Variants in CSNK2A1 observed in about 807,000 individuals in gnomAD.
CSNK2A1 encodes casein kinase II subunit alpha.
CSNK2A1 carries 10 observed loss-of-function variants against 62.9 expected under a neutral mutation model. That is an observed-to-expected ratio of 0.16 (90% CI 0.10 to 0.27). The LOEUF is 0.27. CSNK2A1 is among the 10% of genes least tolerant of loss of function. The pLI, the probability that CSNK2A1 is intolerant of heterozygous loss-of-function variation, is 1.00. For synonymous variants in CSNK2A1, 124 were observed against 167.8 expected, an observed-to-expected ratio of 0.74 and a Z score of 2.02; for missense variants, 160 against 492.0, an observed-to-expected ratio of 0.33 and a Z score of 6.38.
chr20:495,743 G>C lies in CSNK2A1; in HGVS notation c.486C>G (p.Val162=). The part of the protein sequence containing the change: ...IMHRDVKPHN[V]MIDHEHRKLR... The stretch of plus-strand genomic sequence containing the variant: ...CCTTTCTGTGCTCATGATCAATCAT[G>C]ACATTATGGGGCTTGACATCTCTGT... The change falls in exon 8 of 14, where the codon GTC becomes GTG. Residue 162 remains valine, a synonymous_variant. Transcript: ENST00000217244. The C allele has an allele frequency of 1.2e-6, 2 of 1,614,068 alleles. No homozygotes were observed. The highest frequency in any genetic ancestry group is 1.7e-6 in the Non-Finnish European group (2 of 1,179,942).
chr20:534,343 A>G (rs1329986873), intron 1 of CSNK2A1, among the ~76,000 whole-genome samples: 1 of 152,220 alleles, frequency 6.6e-6, no homozygotes, highest in Non-Finnish European at 1.5e-5. Flanking sequence ...ATTTGGAGGC[A>G]AGGTAGGGGT....
At position 484,841 on chromosome 20, in the gene CSNK2A1, C is replaced by T. The variant is rs150679386; in HGVS notation, c.1061-765G>A. Among the ~76,000 whole-genome samples, 996 of 151,228 alleles carry T rather than the reference C, an allele frequency of 6.6e-3. 1 individual carries two copies. The highest frequency in any genetic ancestry group is 9.4e-3 in the Non-Finnish European group (640 of 67,794). On this transcript the variant is annotated intron_variant, in intron 13 of 13. Transcript: ENST00000217244. ...CAGCACTTTGGGAGGCCAAGTTGGG[C>T]GGATCACCTGAGGTCAGGAGTTCAA...
At chr20:534,795 G>C (rs998220061) in intron 1 of CSNK2A1, among the ~76,000 whole-genome samples, 1 of 151,494 alleles carries the variant, frequency 6.6e-6, no homozygotes, top group African/African-American at 2.4e-5. Flanking sequence ...TTGGGAGGCC[G>C]AGATGGGTGG....
At chr20:487,334 C>A in intron 12 of CSNK2A1, 93 bp downstream of exon 12, 2 of 1,565,576 alleles carry the variant, frequency 1.3e-6, no homozygotes, top group Non-Finnish European at 8.7e-7. Flanking sequence ...GGTGAATTAA[C>A]TTTGCAGCAA....
Position 499,603 on chromosome 20 carries a change from C to T in CSNK2A1, c.315+230G>A. The T allele has an allele frequency of 1.8e-6, 1 of 562,992 alleles. No homozygotes were observed. The highest frequency in any genetic ancestry group is 2.6e-5 in the South Asian group (1 of 37,868). The allele number at this position is 562,992 out of a possible 1,614,324, so 34.9% of individuals were successfully genotyped here. On this transcript the variant is annotated intron_variant, in intron 5 of 13. Transcript: ENST00000217244. The surrounding 1 kb of genome is among the most constrained non-coding windows in gnomAD (Gnocchi z 4.2). Reference sequence around the variant, plus strand: ...GTTTGCAAAATGGATTAACACATTTCAGTTTCCAGTGCTATCAGTCTCTTA... The same window carrying T: ...GTTTGCAAAATGGATTAACACATTTTAGTTTCCAGTGCTATCAGTCTCTTA...
chr20:473,657 A>C lies in CSNK2A1; in HGVS notation c.*10304T>G, dbSNP rs867229330. 1 of 152,252 alleles carries C rather than the reference A, an allele frequency of 6.6e-6. No individual in the cohort carries two copies. The highest frequency in any genetic ancestry group is 2.4e-5 in the African/African-American group (1 of 41,446). 9.4% of individuals were successfully genotyped at this position (152,252 alleles called of 1,614,324 possible). On this transcript the variant is annotated 3_prime_UTR_variant, in exon 14 of 14. Coordinates refer to ENST00000217244, the MANE Select transcript of CSNK2A1 (RefSeq NM_177559.3). The stretch of plus-strand genomic sequence containing the variant: ...TTTCTCCAATCTTCTGTGTGCTCCC[A>C]GTGGGGTTCATGGTGAAAAACGCTG...
Position 499,398 on chromosome 20 carries a change from T to C in CSNK2A1, c.316-93A>G, listed in dbSNP as rs1049393800. On this transcript the variant is annotated intron_variant, in intron 5 of 13. Coordinates refer to ENST00000217244, the MANE Select transcript of CSNK2A1 (RefSeq NM_177559.3). The surrounding 1 kb of genome is among the most constrained non-coding windows in gnomAD (Gnocchi z 4.2). The stretch of plus-strand genomic sequence containing the variant: ...GTTTGCGGATGCTGCGTGGTGAAAT[T>C]TGGCAGTCCTCGCCTCAGTAGTAAG... The C allele has an allele frequency of 1.4e-5, 17 of 1,242,780 alleles. No individual in the cohort carries two copies. Among genetic ancestry groups the C allele is most frequent in the Non-Finnish European group, 1.8e-5 (16 of 881,854 alleles). The allele number at this position is 1,242,780 out of a possible 1,614,324, so 77.0% of individuals were successfully genotyped here. A position where few individuals can be genotyped will look rare whatever the true frequency, so the allele number is the denominator to read the frequency against.
chr20:489,732 T>C (rs554308500), intron 10 of CSNK2A1, 48 bp downstream of exon 10: 2 of 1,466,650 alleles, frequency 1.4e-6, no homozygotes, highest in East Asian at 2.3e-5. Context: ...GTGCTGGCTA[T>C]CATTGCATTA....
In CSNK2A1 at chr20:499,621, G is replaced by A. The variant is rs1293924746; in HGVS notation, c.315+212C>T. On this transcript the variant is annotated intron_variant, in intron 5 of 13. Coordinates refer to ENST00000217244, the MANE Select transcript of CSNK2A1 (RefSeq NM_177559.3). This position sits in a 1 kb window ranked among gnomAD's most constrained non-coding sequence, Gnocchi z 4.2. ...CACATTTCAGTTTCCAGTGCTATCA[G>A]TCTCTTAGCCTAGAAGAATAAGAAA... 3 of 577,522 alleles carry A rather than the reference G, an allele frequency of 5.2e-6. No homozygotes were observed. Among genetic ancestry groups the A allele is most frequent in the Non-Finnish European group, 9.1e-6 (3 of 329,568 alleles). The allele number at this position is 577,522 out of a possible 1,614,324, so 35.8% of individuals were successfully genotyped here. A position where few individuals can be genotyped will look rare whatever the true frequency, so the allele number is the denominator to read the frequency against.
chr20:486,015 T>G (rs914600201), intron 13 of CSNK2A1, among the ~76,000 whole-genome samples: 1 of 152,240 alleles, frequency 6.6e-6, no homozygotes, highest in East Asian at 1.9e-4. Context: ...TACACACCTA[T>G]GTATAAACCC....
Position 487,299 on chromosome 20 carries a change from C to T in CSNK2A1, c.973+128G>A, listed in dbSNP as rs960125041. 101 of 1,354,652 alleles carry T rather than the reference C, an allele frequency of 7.5e-5. 3 individuals carry two copies. In the South Asian group the frequency reaches 1.4e-3, roughly 18 times the overall value. The allele number at this position is 1,354,652 out of a possible 1,614,324, so 83.9% of individuals were successfully genotyped here. On this transcript the variant is annotated intron_variant, in intron 12 of 13. Transcript: ENST00000217244. ...AATGTAGTTGCCATCACTATCCCCA[C>T]TGGAAGAATCTGAGGCTCAGTGTGG...
chr20:486,556 A>C, intron 12 of CSNK2A1, 94 bp from the exon 13 acceptor site: 1 of 1,326,842 alleles, frequency 7.5e-7, no homozygotes, highest in Non-Finnish European at 1.0e-6. Context: ...ATTCTTTGCA[A>C]TTTATATATA....
At chr20:527,141 A>G (rs1600410436) in intron 2 of CSNK2A1, among the ~76,000 whole-genome samples, 1 of 152,314 alleles carries the variant, frequency 6.6e-6, no homozygotes, top group South Asian at 2.1e-4. Context: ...GAAATGATAC[A>G]TCACTACAGA....
chr20:529,973 T>C (rs527522368), intron 1 of CSNK2A1, among the ~76,000 whole-genome samples: 121 of 152,270 alleles, frequency 7.9e-4, no homozygotes, highest in African/African-American at 2.8e-3. Flanking sequence ...GGCTCACATA[T>C]TACTTTTAAA....
rs148496503 is a variant in CSNK2A1, at chr20:499,805, G to C, written c.315+28C>G. On this transcript the variant is annotated intron_variant, in intron 5 of 13. Coordinates refer to ENST00000217244, the MANE Select transcript of CSNK2A1 (RefSeq NM_177559.3). The surrounding 1 kb of genome is among the most constrained non-coding windows in gnomAD (Gnocchi z 4.2). ...GGTCAAACACCATCTCAGCTCTGGC[G>C]GGCCTTGCTAACACCTACTATACTC... The C allele has an allele frequency of 1.2e-6, 2 of 1,605,066 alleles. No individual in the cohort carries two copies. Among genetic ancestry groups the C allele is most frequent in the African/African-American group, 2.7e-5 (2 of 74,784 alleles).
intron 6 of CSNK2A1, chr20:498,544 CAA>C: frequency 6.6e-6 from 1 of 152,184 alleles, no homozygotes; most frequent in South Asian, 2.1e-4. Context: ...CGTCTTCTGA[CAA>C]AGTTTTTCTT....
At position 485,122 on chromosome 20, in the gene CSNK2A1, A is replaced by T. The variant is rs1284650400; in HGVS notation, c.1061-1046T>A. 2.1e-5 allele frequency among the ~76,000 whole-genome samples: 2 copies of T among 97,498 alleles called. 1 individual carries two copies. The highest frequency in any genetic ancestry group is 4.0e-5 in the Non-Finnish European group (2 of 49,724). The allele number at this position is 97,498 out of a possible 152,430, so 64.0% of individuals were successfully genotyped here. A position where few individuals can be genotyped will look rare whatever the true frequency, so the allele number is the denominator to read the frequency against. On this transcript the variant is annotated intron_variant, in intron 13 of 13. Transcript: ENST00000217244. The stretch of plus-strand genomic sequence containing the variant: ...AAAAAAAAAAAAAATATATATATAT[A>T]TATATATATATATATGAGAACATTA...
intron 11 of CSNK2A1, chr20:488,199 T>C (rs910217948): frequency 1.7e-5 from 3 of 172,448 alleles, no homozygotes; most frequent in Non-Finnish European, 3.7e-5. Flanking sequence ...TCACCATGCA[T>C]GGAGTCGAGG....
intron 1 of CSNK2A1, among the ~76,000 whole-genome samples, chr20:536,083 CAGGACTAGGTAA>C (rs987821986): frequency 4.6e-5 from 7 of 151,950 alleles, no homozygotes; most frequent in Admixed American, 2.6e-4. Context: ...CTAGACTCAC[CAGGACTAGGTAA>C]TAGACACTGT....
Sources: allele counts gnomAD v4.1 joint callset (sites outside exome capture counted in the v4.1 genomes callset), GRCh38; gene constraint gnomAD v4.1.1; non-coding constraint Gnocchi (gnomAD v3.1); transcripts MANE v1.5; gene names NCBI Gene and HGNC (gene_info 2026-07-23, HGNC 2026-07-21).